The following XIRP2 variants were observed in gnomAD, a reference collection of about 807,000 sequenced individuals.
XIRP2 encodes the protein xin actin binding repeat containing 2, also known as xin actin-binding repeat-containing protein 2.
Under a neutral mutation model 277.0 loss-of-function variants are expected in XIRP2, and 236 were observed. That is an observed-to-expected ratio of 0.85 (90% CI 0.77 to 0.95). The LOEUF is 0.95. Ranked by LOEUF, XIRP2 falls within the 40% of genes least tolerant of loss-of-function variation. The pLI is 0.00. For missense variants in XIRP2, 4,640 were observed against 4,157.5 expected, an observed-to-expected ratio of 1.12 and a Z score of -3.19; for synonymous variants, 1,490 against 1,416.5, an observed-to-expected ratio of 1.05 and a Z score of -1.17.
chr2:167,068,130 C>T (rs574601118), intron 2 of XIRP2, among the ~76,000 whole-genome samples: 108 of 152,190 alleles, frequency 7.1e-4, no homozygotes, highest in Non-Finnish European at 1.3e-3. Context: ...TGCATATTTT[C>T]TAATGTCTTG....
intron 2 of XIRP2, among the ~76,000 whole-genome samples, chr2:167,068,471 T>G (rs987094796): frequency 6.6e-5 from 10 of 152,212 alleles, no homozygotes; most frequent in African/African-American, 2.4e-4. Context: ...ATTTTTTAAT[T>G]GAATAACAAA....
At chr2:167,118,977 G>T (rs1409337769) in intron 2 of XIRP2, among the ~76,000 whole-genome samples, 1 of 152,136 alleles carries the variant, frequency 6.6e-6, no homozygotes, top group Non-Finnish European at 1.5e-5. Context: ...AATTCAAGAG[G>T]AAGAAGAGCC....
intron 3 of XIRP2, among the ~76,000 whole-genome samples, chr2:167,175,165 A>T (rs550875158): frequency 6.6e-6 from 1 of 152,094 alleles, no homozygotes; most frequent in Non-Finnish European, 1.5e-5. Flanking sequence ...TGATCTGTCT[A>T]CTATTGACAG....
Position 167,239,930 on chromosome 2 carries a change from A to G in XIRP2, c.934A>G (p.Lys312Glu). 3 of 1,602,458 alleles carry G rather than the reference A, an allele frequency of 1.9e-6. No individual in the cohort carries two copies. In the South Asian group the frequency reaches 3.4e-5, roughly 18 times the overall value. Reference sequence around the variant, plus strand: ...GGCAAGAAATGAACAAGAAGGGTCCAAAGTACAGAAAATTGATGTTCATGG... The same window carrying G: ...GGCAAGAAATGAACAAGAAGGGTCCGAAGTACAGAAAATTGATGTTCATGG... ...EMARNEQEGS[K>E]VQKIDVHGTE... The change falls in exon 6 of 11, where the codon AAA becomes GAA. Residue 312 changes from lysine (K) to glutamate (E), a missense_variant. Coordinates refer to ENST00000409195, the MANE Select transcript of XIRP2 (RefSeq NM_152381.6).
At chr2:167,086,871 C>T (rs568350438) in intron 2 of XIRP2, among the ~76,000 whole-genome samples, 4 of 151,986 alleles carry the variant, frequency 2.6e-5, no homozygotes, top group African/African-American at 9.7e-5. Flanking sequence ...TTTTCAACTT[C>T]TTTGCCTTTG....
intron 4 of XIRP2, among the ~76,000 whole-genome samples, chr2:167,214,833 C>T (rs1459401415): frequency 6.6e-6 from 1 of 152,134 alleles, no homozygotes; most frequent in East Asian, 1.9e-4. Flanking sequence ...TCCCAAAGTG[C>T]TAGGATTACA....
chr2:167,188,321 A>G (rs1038354925), intron 3 of XIRP2, among the ~76,000 whole-genome samples: 15 of 152,212 alleles, frequency 9.9e-5, no homozygotes, highest in African/African-American at 3.6e-4. Flanking sequence ...AAGAGACGTG[A>G]TAACAGAATC....
rs1488871781 is a variant in XIRP2, at chr2:167,258,593, G to A, written c.*776G>A. The stretch of plus-strand genomic sequence containing the variant: ...TGAAAAAACTAACCAAACTAATGGT[G>A]CAGAAGTTTTACAGGTTACTAACAC... On this transcript the variant is annotated 3_prime_UTR_variant, in exon 11 of 11. Transcript: ENST00000409195. The A allele has an allele frequency of 6.2e-7, 1 of 1,613,134 alleles. No individual in the cohort carries two copies. Among genetic ancestry groups the A allele is most frequent in the South Asian group, 1.1e-5 (1 of 91,046 alleles).
intron 3 of XIRP2, among the ~76,000 whole-genome samples, chr2:167,161,972 C>G (rs531766098): frequency 1.3e-5 from 2 of 152,288 alleles, no homozygotes; most frequent in East Asian, 3.9e-4. Flanking sequence ...TAAATCATCT[C>G]TCTCAAGTTC....
At chr2:167,010,616 G>C (rs897302159) in intron 2 of XIRP2, among the ~76,000 whole-genome samples, 2 of 152,104 alleles carry the variant, frequency 1.3e-5, no homozygotes, top group African/African-American at 4.8e-5. Flanking sequence ...GAAAGTCATT[G>C]GTAGCTTGAT....
intron 2 of XIRP2, among the ~76,000 whole-genome samples, chr2:167,021,646 C>A (rs1385733222): frequency 6.6e-6 from 1 of 151,746 alleles, no homozygotes; most frequent in Non-Finnish European, 1.5e-5. Context: ...CCCAGGAGTT[C>A]AAGACCTAGT....
intron 7 of XIRP2, among the ~76,000 whole-genome samples, chr2:167,241,318 G>A (rs2105430910): frequency 6.6e-6 from 1 of 151,864 alleles, no homozygotes; most frequent in East Asian, 1.9e-4. Context: ...TGTTGCTTAA[G>A]GAAGTAGGTC....
chr2:167,104,848 A>G (rs968031674), intron 2 of XIRP2, among the ~76,000 whole-genome samples: 1 of 152,068 alleles, frequency 6.6e-6, no homozygotes, highest in African/African-American at 2.4e-5. Flanking sequence ...GATTATTCAC[A>G]ATATCTGTTT....
At chr2:167,140,048 G>GATAA (rs4000961) in intron 3 of XIRP2, among the ~76,000 whole-genome samples, 1 of 152,204 alleles carries the variant, frequency 6.6e-6, no homozygotes, top group African/African-American at 2.4e-5. Flanking sequence ...TAAGGAGAAA[G>GATAA]TTCATGTTGG....
intron 2 of XIRP2, among the ~76,000 whole-genome samples, chr2:166,915,335 T>C (rs1337900467): frequency 1.3e-5 from 2 of 148,440 alleles, no homozygotes; most frequent in African/African-American, 5.0e-5. Context: ...AAAAGAAATA[T>C]TATAAAGGAA....
intron 3 of XIRP2, among the ~76,000 whole-genome samples, chr2:167,180,752 T>G (rs1036671086): frequency 1.3e-5 from 2 of 152,204 alleles, no homozygotes; most frequent in Non-Finnish European, 2.9e-5. Context: ...TGCCTCTTTA[T>G]TCTACCTTGT....
At chr2:166,900,129 T>C (rs1684343814) in intron 1 of XIRP2, among the ~76,000 whole-genome samples, 2 of 152,194 alleles carry the variant, frequency 1.3e-5, no homozygotes, top group South Asian at 4.2e-4. Context: ...ATTTTAGATC[T>C]TTTTTATAGT....
intron 1 of XIRP2, among the ~76,000 whole-genome samples, chr2:166,892,940 G>A (rs1357080538): frequency 6.8e-6 from 1 of 147,584 alleles, no homozygotes; most frequent in Admixed American, 6.9e-5. Flanking sequence ...GTGTATATGT[G>A]TATATTTATG....
At chr2:166,975,774 A>C (rs1232788126) in intron 2 of XIRP2, among the ~76,000 whole-genome samples, 1 of 151,740 alleles carries the variant, frequency 6.6e-6, no homozygotes, top group Admixed American at 6.6e-5. Context: ...AAATGCAAAA[A>C]AATTAGCCGG....
Sources: gnomAD v4.1 joint callset for allele counts (sites outside exome capture counted in the v4.1 genomes callset) on GRCh38, gnomAD v4.1.1 for gene constraint, MANE v1.5 for transcripts, NCBI Gene and HGNC (gene_info 2026-07-23, HGNC 2026-07-21) for gene names.